The following IGDCC4 variants were observed in gnomAD, a reference collection of about 807,000 sequenced individuals.
IGDCC4 encodes immunoglobulin superfamily DCC subclass member 4.
A neutral mutation model predicts 116.6 loss-of-function variants in IGDCC4; 72 were observed. The ratio of observed to expected loss-of-function variants is 0.62; its 90% CI spans 0.51 to 0.75. The LOEUF (loss-of-function observed/expected upper bound fraction) is 0.75, where lower values mean the gene tolerates loss of function less well. Among genes scored for constraint, IGDCC4 ranks in the 30% least tolerant of loss-of-function variants. The probability of loss-of-function intolerance (pLI) is 0.00; values close to 1 mark genes in which losing one functional copy is unlikely to be tolerated. For missense variants in IGDCC4, 1,501 were observed against 1,662.4 expected, an observed-to-expected ratio of 0.90 and a Z score of 1.69; for synonymous variants, 709 against 719.9, an observed-to-expected ratio of 0.98 and a Z score of 0.24.
Position 65,411,269 on chromosome 15 carries a change from T to C in IGDCC4, c.172A>G (p.Ser58Gly). The C allele has an allele frequency of 6.2e-7, 1 of 1,614,028 alleles. No individual in the cohort carries two copies. Among genetic ancestry groups the C allele is most frequent in the Non-Finnish European group, 8.5e-7 (1 of 1,179,988 alleles). ...GGTCCAGCGGCAGCAGCCCCCAGGC[T>C]ACAGTTTAGCACTGCAGCCTGCTCT... ...GPEQAAVLNC[S>G]LGAAAAGPPT... is the part of the protein sequence containing the mutation. The change falls in exon 2 of 20, where the codon AGC (serine) becomes GGC (glycine). Residue 58 changes from serine to glycine, a missense_variant. Around this residue, in one of 3 missense-constraint regions of IGDCC4, gnomAD observed 898 missense variants for 978.9 expected, o/e 0.92. Coordinates refer to ENST00000352385, the MANE Select transcript of IGDCC4 (RefSeq NM_020962.3).
In IGDCC4 at chr15:65,386,168, A is replaced by G. The variant is rs549564176; in HGVS notation, c.2952-109T>C. 3.9e-5 allele frequency: 28 copies of G among 718,144 alleles called. No homozygotes were observed. The East Asian group carries it at 7.1e-4, about 18-fold the overall frequency. 44.5% of individuals were successfully genotyped at this position (718,144 alleles called of 1,614,324 possible). On this transcript the variant is annotated intron_variant, in intron 17 of 19. Coordinates refer to ENST00000352385, the MANE Select transcript of IGDCC4 (RefSeq NM_020962.3). ...GGGGAGGTTCCTGCCCATCTCTGGG[A>G]TTTGCTTTCCTGGTCTGTGCAATGA... is the stretch of plus-strand genomic sequence containing the variant.
Position 65,396,946 on chromosome 15 carries a change from G to T in IGDCC4, c.885C>A (p.Thr295=). 1 of 1,577,902 alleles carries T rather than the reference G, an allele frequency of 6.3e-7. No individual in the cohort carries two copies. The highest frequency in any genetic ancestry group is 1.3e-5 in the African/African-American group (1 of 74,436). Residue 295 remains threonine (T), a synonymous_variant, in exon 6 of 20, where the codon ACC becomes ACA. Transcript: ENST00000352385. The stretch of plus-strand genomic sequence containing the variant: ...GCTGCGCGTTGGCAATTAGTAGGTT[G>T]GTGCGGCCCAGGACGATGACATCTG... ...ISTDVIVLGR[T]NLLIANAQPW...
intron 17 of IGDCC4, 32 bp from the exon 18 acceptor site, chr15:65,386,091 G>A: frequency 2.2e-6 from 3 of 1,377,510 alleles, no homozygotes; most frequent in East Asian, 2.5e-5. Context: ...AAGGCATAGC[G>A]GTCAGAGTAA....
intron 16 of IGDCC4, 106 bp downstream of exon 16, chr15:65,388,342 CA>C: frequency 6.7e-7 from 1 of 1,487,710 alleles, no homozygotes; most frequent in Non-Finnish European, 9.2e-7. Context: ...GCTCTGCCCC[CA>C]CCAAACCTGG....
rs1052983147 is a variant in IGDCC4 at position 65,383,758 on chromosome 15, T to C, written c.*251A>G. ...CAGCTCAACAACCAGTACGCATACA[T>C]GCACTTCACACATGTGCACATCACA... is the stretch of plus-strand genomic sequence containing the variant. On this transcript the variant is annotated 3_prime_UTR_variant, in exon 20 of 20. Transcript: ENST00000352385. 15 of 414,690 alleles carry C rather than the reference T, an allele frequency of 3.6e-5. No individual in the cohort carries two copies. The highest frequency in any genetic ancestry group is 6.4e-5 in the Non-Finnish European group (15 of 234,016). The allele number at this position is 414,690 out of a possible 1,614,324, so 25.7% of individuals were successfully genotyped here.
intron 12 of IGDCC4, 72 bp from the exon 13 acceptor site, chr15:65,390,410 A>C: frequency 7.7e-7 from 1 of 1,301,524 alleles, no homozygotes; most frequent in Non-Finnish European, 1.0e-6. Context: ...AGTGGTTTAC[A>C]GTTCCCAAGG....
chr15:65,413,943 A>C (rs563150671), intron 1 of IGDCC4, among the ~76,000 whole-genome samples: 34 of 152,344 alleles, frequency 2.2e-4, no homozygotes, highest in African/African-American at 7.7e-4. Flanking sequence ...CTGAGATGCT[A>C]TGATTCTATG....
At chr15:65,405,566 CTT>C (rs10557918) in intron 3 of IGDCC4, among the ~76,000 whole-genome samples, 47,950 of 151,942 alleles carry the variant, frequency 0.32, 9,157 homozygotes, top group African/African-American at 0.54. Context: ...CCCTGACCCT[CTT>C]ATTGTGTTTT....
At chr15:65,414,077 T>G (rs377735206) in intron 1 of IGDCC4, among the ~76,000 whole-genome samples, 3 of 152,168 alleles carry the variant, frequency 2.0e-5, no homozygotes, top group East Asian at 1.9e-4. Context: ...GCCACACTCA[T>G]CAACACTTGG....
chr15:65,385,206 G>A (rs2091443095), intron 18 of IGDCC4, 91 bp from the exon 19 acceptor site: 1 of 1,331,556 alleles, frequency 7.5e-7, no homozygotes, highest in Non-Finnish European at 1.0e-6. Context: ...ATGGGCCGCG[G>A]GGGAGCAGGG....
intron 14 of IGDCC4, 47 bp from the exon 15 acceptor site, chr15:65,389,025 C>G: frequency 2.3e-6 from 3 of 1,311,148 alleles, no homozygotes; most frequent in Non-Finnish European, 3.1e-6. Context: ...AGCTGGGGGA[C>G]AGAGCATGAT....
intron 4 of IGDCC4, among the ~76,000 whole-genome samples, chr15:65,401,535 G>A (rs905957791): frequency 1.3e-5 from 2 of 151,738 alleles, no homozygotes; most frequent in Non-Finnish European, 2.9e-5. Context: ...GAAGAAAGAC[G>A]ACACCAGACT....
intron 1 of IGDCC4, 72 bp from the exon 2 acceptor site, chr15:65,411,442 C>T (rs2063093523): frequency 7.6e-7 from 1 of 1,319,930 alleles, no homozygotes; most frequent in African/African-American, 1.5e-5. Context: ...TCCTGAGTCA[C>T]CCATGCAGGG....
Position 65,413,369 on chromosome 15 carries a change from G to A in IGDCC4, c.71-1999C>T, listed in dbSNP as rs2063115923. Among the ~76,000 whole-genome samples the A allele has an allele frequency of 2.0e-5, 3 of 152,252 alleles. No homozygotes were observed. The South Asian group carries it at 6.2e-4, about 32-fold the overall frequency. On this transcript the variant is annotated intron_variant, in intron 1 of 19. Transcript: ENST00000352385. ...AGGCCATGCAGGAGGCCAGAGCCAG[G>A]ACTCAGGTCTCCTGACTCAATCCAG...
chr15:65,395,427 A>G (rs2062913833), intron 7 of IGDCC4, among the ~76,000 whole-genome samples, 169 bp from the exon 8 acceptor site: 1 of 152,052 alleles, frequency 6.6e-6, no homozygotes, highest in African/African-American at 2.4e-5. Flanking sequence ...GTCTCAGTGT[A>G]TTAATTCCTC....
intron 3 of IGDCC4, among the ~76,000 whole-genome samples, chr15:65,408,069 T>C (rs373120109): frequency 6.6e-6 from 1 of 152,198 alleles, no homozygotes; most frequent in Admixed American, 6.5e-5. Context: ...CGCCCAGCCA[T>C]ATTGATATGA....
Position 65,391,165 on chromosome 15 carries a change from G to A in IGDCC4, c.2224+715C>T, listed in dbSNP as rs145966867. ...GAATTGCTTGAACCCAGGAGGCAGA[G>A]GTTGCAGTGAGCTGAGATCATACCA... On this transcript the variant is annotated intron_variant, in intron 12 of 19. Coordinates refer to ENST00000352385, the MANE Select transcript of IGDCC4 (RefSeq NM_020962.3). Among the ~76,000 whole-genome samples the A allele has an allele frequency of 5.0e-3, 765 of 152,330 alleles. 7 individuals are homozygous for A. The highest frequency in any genetic ancestry group is 0.018 in the African/African-American group (733 of 41,558).
At chr15:65,389,037 A>C in intron 14 of IGDCC4, 59 bp from the exon 15 acceptor site, 1 of 1,180,446 alleles carries the variant, frequency 8.5e-7, no homozygotes, top group Non-Finnish European at 1.2e-6. Context: ...GAGCATGATG[A>C]TATGACCTCC....
Position 65,422,836 on chromosome 15 carries a change from G to T in IGDCC4, c.27C>A (p.Gly9=), listed in dbSNP as rs1033237091. 9 of 1,213,350 alleles carry T rather than the reference G, an allele frequency of 7.4e-6. No individual in the cohort carries two copies. In the Admixed American group the frequency reaches 4.1e-4, roughly 55 times the overall value. 75.2% of individuals were successfully genotyped at this position (1,213,350 alleles called of 1,614,324 possible). The change falls in exon 1 of 20, where the codon GGC becomes GGA. Residue 9 remains glycine, a synonymous_variant. Coordinates refer to ENST00000352385, the MANE Select transcript of IGDCC4 (RefSeq NM_020962.3). ...AGAAGGTCAACGCGAGGAGCCCGCG[G>T]CCGCGGCCGGCGTCCCCCCGCGCCA... MARGDAGR[G]RGLLALTFCL...
Sources: allele counts gnomAD v4.1 joint callset (sites outside exome capture counted in the v4.1 genomes callset), GRCh38; gene constraint gnomAD v4.1.1; regional missense constraint gnomAD v4.1.1; transcripts MANE v1.5; gene names NCBI Gene and HGNC (gene_info 2026-07-23, HGNC 2026-07-21).